PIP5K1B: variants seen among roughly 807,000 people sequenced by gnomAD.
The protein encoded by PIP5K1B is phosphatidylinositol 4-phosphate 5-kinase type-1 beta.
Under a neutral mutation model 67.0 loss-of-function variants are expected in PIP5K1B, and 42 were observed. That is an observed-to-expected ratio of 0.63 (90% CI 0.49 to 0.81). PIP5K1B has a LOEUF of 0.81. Ranked by LOEUF, PIP5K1B falls within the 30% of genes least tolerant of loss-of-function variation. The pLI is 0.00. For missense variants in PIP5K1B, 459 were observed against 646.3 expected (o/e 0.71, Z 3.14); for synonymous variants, 214 against 231.4 (o/e 0.92, Z 0.68).
intron 4 of PIP5K1B, among the ~76,000 whole-genome samples, chr9:68,862,696 G>A (rs776858168): frequency 3.5e-4 from 54 of 152,154 alleles, no homozygotes; most frequent in Admixed American, 2.0e-3. Context: ...GGCGGCTGAG[G>A]CATGAGAATT....
At chr9:69,002,018 T>C (rs953933658) in intron 15 of PIP5K1B, among the ~76,000 whole-genome samples, 9 of 152,028 alleles carry the variant, frequency 5.9e-5, no homozygotes, top group African/African-American at 2.2e-4. Context: ...CACAGACGAG[T>C]GTCAGCTGCG....
Position 68,934,902 on chromosome 9 carries a change from C to T in PIP5K1B, c.1214C>T (p.Ser405Leu). Residue 405 changes from serine to leucine, a missense_variant, in exon 13 of 16, where the codon TCA becomes TTA. Coordinates refer to ENST00000265382, the MANE Select transcript of PIP5K1B (RefSeq NM_003558.4). ...VFKKIQALKA[S>L]PSKKRCNSIA... Reference sequence around the variant, plus strand: ...CCTTTCTGTCTAGCTTTGAAGGCTTCACCGTCTAAGAAACGGTGCAATTCA... The same window carrying T: ...CCTTTCTGTCTAGCTTTGAAGGCTTTACCGTCTAAGAAACGGTGCAATTCA... 6.2e-7 allele frequency: 1 copy of T among 1,609,230 alleles called. No homozygotes were observed. The highest frequency in any genetic ancestry group is 1.3e-5 in the African/African-American group (1 of 74,922).
At chr9:68,957,506 A>G (rs73647047) in intron 14 of PIP5K1B, among the ~76,000 whole-genome samples, 8,523 of 152,328 alleles carry the variant, frequency 0.056, 316 homozygotes, top group African/African-American at 0.099. Flanking sequence ...ATACAAATGC[A>G]TTTAATGTTT....
chr9:68,940,458 T>G (rs775712517), intron 13 of PIP5K1B, among the ~76,000 whole-genome samples, 188 bp from the exon 14 acceptor site: 1 of 152,194 alleles, frequency 6.6e-6, no homozygotes, highest in Non-Finnish European at 1.5e-5. Flanking sequence ...CCTTCCTGTT[T>G]AACCTGTTTG....
intron 4 of PIP5K1B, among the ~76,000 whole-genome samples, chr9:68,834,115 T>C (rs1031547099): frequency 1.3e-5 from 2 of 152,238 alleles, no homozygotes; most frequent in African/African-American, 4.8e-5. Flanking sequence ...TGCCTTATTA[T>C]CTTCCATTGG....
At chr9:68,856,910 A>ATGTGT (rs1450173771) in intron 4 of PIP5K1B, among the ~76,000 whole-genome samples, 2 of 152,192 alleles carry the variant, frequency 1.3e-5, no homozygotes, top group Non-Finnish European at 2.9e-5. Flanking sequence ...ATTGCCAATA[A>ATGTGT]CTTCACACAC....
intron 7 of PIP5K1B, among the ~76,000 whole-genome samples, chr9:68,891,998 A>G (rs1824814827): frequency 6.6e-6 from 1 of 152,202 alleles, no homozygotes; most frequent in South Asian, 2.1e-4. Context: ...GAAAGAATGT[A>G]ATAAGAAAAA....
chr9:68,826,534 T>A (rs1303461053), intron 4 of PIP5K1B, among the ~76,000 whole-genome samples: 1 of 152,216 alleles, frequency 6.6e-6, no homozygotes, highest in African/African-American at 2.4e-5. Flanking sequence ...GCAGGCCCTA[T>A]CTGTCCCGTA....
In PIP5K1B at chr9:69,008,616, C is replaced by T. The variant is rs1831196576; in HGVS notation, c.*167C>T. ...TTCAAGATGTCAACTTCAGGCTGATCAGCAGATGGGATGTGAAAAATACTA... is the reference window on the plus strand; with the variant it reads ...TTCAAGATGTCAACTTCAGGCTGATTAGCAGATGGGATGTGAAAAATACTA... On this transcript the variant is annotated 3_prime_UTR_variant, in exon 16 of 16. Coordinates refer to ENST00000265382, the MANE Select transcript of PIP5K1B (RefSeq NM_003558.4). The T allele has an allele frequency of 1.4e-6, 1 of 690,918 alleles. No individual in the cohort carries two copies. The highest frequency in any genetic ancestry group is 2.7e-6 in the Non-Finnish European group (1 of 372,302). 42.8% of individuals were successfully genotyped at this position (690,918 alleles called of 1,614,324 possible).
Position 68,894,335 on chromosome 9 carries a change from C to A in PIP5K1B, c.472-4C>A. The stretch of plus-strand genomic sequence containing the variant: ...AAATATATTTTTCTTTTTTTGGTTT[C>A]TAGAATTTAAACCAGAATCCAAGGA... On this transcript the variant is annotated splice_polypyrimidine_tract_variant and splice_region_variant and intron_variant, in intron 7 of 15. Coordinates refer to ENST00000265382, the MANE Select transcript of PIP5K1B (RefSeq NM_003558.4). 8 of 1,568,038 alleles carry A rather than the reference C, an allele frequency of 5.1e-6. No individual in the cohort carries two copies. Among genetic ancestry groups the A allele is most frequent in the Non-Finnish European group, 6.9e-6 (8 of 1,154,556 alleles).
intron 2 of PIP5K1B, among the ~76,000 whole-genome samples, chr9:68,811,235 C>T (rs1833146513): frequency 6.6e-6 from 1 of 152,174 alleles, no homozygotes; most frequent in Non-Finnish European, 1.5e-5. Context: ...AGGCTTATTC[C>T]CCTACTGCTT....
At chr9:68,887,813 A>G (rs905869252) in intron 6 of PIP5K1B, among the ~76,000 whole-genome samples, 2 of 152,108 alleles carry the variant, frequency 1.3e-5, no homozygotes, top group African/African-American at 4.8e-5. Context: ...ATGATGCCCT[A>G]GTTTCTGGTT....
At chr9:68,972,725 A>G (rs1314121473) in intron 14 of PIP5K1B, among the ~76,000 whole-genome samples, 8 of 152,214 alleles carry the variant, frequency 5.3e-5, no homozygotes, top group African/African-American at 1.4e-4. Flanking sequence ...CTGGTTGTTA[A>G]GCCTTTACTT....
At chr9:68,976,625 A>G (rs1432405201) in intron 14 of PIP5K1B, among the ~76,000 whole-genome samples, 3 of 152,050 alleles carry the variant, frequency 2.0e-5, no homozygotes, top group African/African-American at 4.8e-5. Flanking sequence ...GTGGAAGACA[A>G]TTTTTCCATG....
At chr9:68,948,956 T>G (rs1287043379) in intron 14 of PIP5K1B, among the ~76,000 whole-genome samples, 1 of 152,248 alleles carries the variant, frequency 6.6e-6, no homozygotes, top group African/African-American at 2.4e-5. Flanking sequence ...ATTCACATTT[T>G]TTGAGGAATT....
intron 13 of PIP5K1B, among the ~76,000 whole-genome samples, chr9:68,938,906 G>C (rs1827414244): frequency 6.6e-6 from 1 of 152,130 alleles, no homozygotes; most frequent in South Asian, 2.1e-4. Context: ...TCTTGTCTCT[G>C]ACCTCTAGAC....
At chr9:68,982,350 G>A (rs916938017) in intron 14 of PIP5K1B, among the ~76,000 whole-genome samples, 4 of 152,196 alleles carry the variant, frequency 2.6e-5, no homozygotes, top group African/African-American at 9.7e-5. Flanking sequence ...AATCAACAAT[G>A]CAGTAAAAAT....
At chr9:68,747,120 C>G (rs1249981391) in intron 2 of PIP5K1B, among the ~76,000 whole-genome samples, 1 of 151,640 alleles carries the variant, frequency 6.6e-6, no homozygotes, top group African/African-American at 2.4e-5. Context: ...ACTCTGGCCA[C>G]AAGTCAGAGA....
intron 14 of PIP5K1B, among the ~76,000 whole-genome samples, chr9:68,990,931 G>A (rs1015868298): frequency 6.6e-6 from 1 of 151,958 alleles, no homozygotes; most frequent in African/African-American, 2.4e-5. Context: ...CAAAGTCCTG[G>A]GATTACAGGC....
Sources: allele counts gnomAD v4.1 joint callset (sites outside exome capture counted in the v4.1 genomes callset), GRCh38; gene constraint gnomAD v4.1.1; transcripts MANE v1.5; gene names NCBI Gene and HGNC (gene_info 2026-07-23, HGNC 2026-07-21).